ATP8A2: variants seen among roughly 807,000 people sequenced by gnomAD.
ATP8A2 encodes ATPase phospholipid transporting 8A2, also known as phospholipid-transporting ATPase IB.
A neutral mutation model predicts 165.6 loss-of-function variants in ATP8A2; 100 were observed. The ratio of observed to expected loss-of-function variants is 0.60; its 90% CI spans 0.51 to 0.71. The LOEUF (loss-of-function observed/expected upper bound fraction) is 0.71. ATP8A2 is among the 30% of genes least tolerant of loss of function. The probability of loss-of-function intolerance (pLI) is 0.00; values close to 1 mark genes in which losing one functional copy is unlikely to be tolerated. For missense variants in ATP8A2, 1,227 were observed against 1,479.5 expected (o/e 0.83, Z 2.80); for synonymous variants, 543 against 548.8 (o/e 0.99, Z 0.15).
intron 30 of ATP8A2, among the ~76,000 whole-genome samples, chr13:25,840,908 A>T (rs1951735602): frequency 1.3e-5 from 2 of 152,234 alleles, no homozygotes. Context: ...GTCTGCAAAT[A>T]GCATGAACTA....
intron 35 of ATP8A2, among the ~76,000 whole-genome samples, chr13:25,983,059 A>T (rs1324093627): frequency 1.3e-5 from 2 of 152,062 alleles, no homozygotes; most frequent in African/African-American, 4.8e-5. Flanking sequence ...TTTAGGTTTT[A>T]TGTTTTCTGA....
Position 25,602,623 on chromosome 13 carries a change from T to C in ATP8A2, c.2211+12924T>C, listed in dbSNP as rs527605251. 3.8e-4 allele frequency among the ~76,000 whole-genome samples: 58 copies of C among 152,228 alleles called. 1 individual carries two copies. Among genetic ancestry groups the C allele is most frequent in the Admixed American group, 2.0e-3 (30 of 15,294 alleles). On this transcript the variant is annotated intron_variant, in intron 24 of 36. Transcript: ENST00000381655. ...GCAAAGGCCGATGCTCCCCACTGCA[T>C]TTGAGCAGTGTGTGGCTGGAGGGGA...
At chr13:25,975,847 A>G (rs1956023898) in intron 35 of ATP8A2, among the ~76,000 whole-genome samples, 1 of 152,178 alleles carries the variant, frequency 6.6e-6, no homozygotes, top group South Asian at 2.1e-4. Context: ...TCTGTGATAC[A>G]CAGCATGCTT....
chr13:25,731,174 A>G (rs999773657), intron 25 of ATP8A2, among the ~76,000 whole-genome samples: 2 of 118,386 alleles, frequency 1.7e-5, no homozygotes, highest in Non-Finnish European at 3.6e-5. Flanking sequence ...AGAAGGAAGG[A>G]AAGAAAGAAA....
At chr13:25,786,069 AATGCAATTCGTCATTTTT>A (rs1390530315) in intron 27 of ATP8A2, among the ~76,000 whole-genome samples, 2 of 152,160 alleles carry the variant, frequency 1.3e-5, no homozygotes, top group African/African-American at 4.8e-5. Context: ...TATTTATGAG[AATGCAATTCGTCATTTTT>A]TTTCTTGGAC....
At chr13:25,391,558 A>G (rs1239687546) in intron 1 of ATP8A2, among the ~76,000 whole-genome samples, 3 of 152,246 alleles carry the variant, frequency 2.0e-5, no homozygotes, top group Non-Finnish European at 2.9e-5. Flanking sequence ...GTAACTGTAT[A>G]CTGCTTTACA....
chr13:25,456,995 C>T (rs937555729), intron 1 of ATP8A2, among the ~76,000 whole-genome samples: 2 of 152,124 alleles, frequency 1.3e-5, no homozygotes, highest in Non-Finnish European at 2.9e-5. Context: ...GAAAACAATC[C>T]CCCAAAAACT....
intron 33 of ATP8A2, among the ~76,000 whole-genome samples, chr13:25,892,738 G>A (rs896199833): frequency 3.3e-5 from 5 of 151,664 alleles, no homozygotes; most frequent in Admixed American, 2.0e-4. Flanking sequence ...ATTTGATGAC[G>A]TCTGTGACTG....
At chr13:25,853,868 G>T (rs1952081083) in intron 30 of ATP8A2, among the ~76,000 whole-genome samples, 1 of 152,182 alleles carries the variant, frequency 6.6e-6, no homozygotes, top group African/African-American at 2.4e-5. Context: ...ACAGGCCTTA[G>T]CCTTTTAGAG....
At chr13:25,834,794 C>T (rs1177717810) in intron 28 of ATP8A2, among the ~76,000 whole-genome samples, 2 of 152,298 alleles carry the variant, frequency 1.3e-5, no homozygotes, top group Non-Finnish European at 1.5e-5. Flanking sequence ...TTCACCTCAG[C>T]TTCCCAAGTA....
rs80073941 is a variant in ATP8A2 at position 25,636,506 on chromosome 13, C to T, written c.2211+46807C>T. 0.017 allele frequency among the ~76,000 whole-genome samples: 2,608 copies of T among 152,138 alleles called. 195 individuals are homozygous for T. In the East Asian group the frequency reaches 0.24, roughly 14 times the overall value. On this transcript the variant is annotated intron_variant, in intron 24 of 36. Transcript: ENST00000381655. ...TTTAGGAATTGCTGTCTTTAATCTG[C>T]CCTATGTTCTTAGTATTCCCGGAAA...
chr13:25,881,301 T>C (rs973815244), intron 33 of ATP8A2, among the ~76,000 whole-genome samples: 27 of 152,216 alleles, frequency 1.8e-4, no homozygotes, highest in Non-Finnish European at 3.2e-4. Context: ...ACTCTGACTT[T>C]GGCATAACAT....
At chr13:25,667,652 T>C (rs58822110) in intron 24 of ATP8A2, among the ~76,000 whole-genome samples, 18,998 of 147,256 alleles carry the variant, frequency 0.13, 1,351 homozygotes, top group Admixed American at 0.2. Context: ...TTTTTTTTTT[T>C]ATAAATTACC....
intron 24 of ATP8A2, among the ~76,000 whole-genome samples, chr13:25,663,974 C>T (rs560460977): frequency 2.0e-5 from 3 of 151,958 alleles, no homozygotes; most frequent in South Asian, 2.1e-4. Context: ...TTTGGGAGGC[C>T]GAGGTGGGTG....
At position 25,948,332 on chromosome 13, in the gene ATP8A2, C is replaced by A. The variant is rs1232105977; in HGVS notation, c.3184-13243C>A. Among the ~76,000 whole-genome samples the A allele has an allele frequency of 2.0e-5, 3 of 152,140 alleles. No individual in the cohort carries two copies. In the East Asian group the frequency reaches 5.8e-4, roughly 29 times the overall value. ...GGTTATAATCGATAGTGTAAAAAAT[C>A]ATTAGTTATAGGTAACATGTATGGC... On this transcript the variant is annotated intron_variant, in intron 33 of 36. Transcript: ENST00000381655.
chr13:25,999,930 T>G (rs1379110013), intron 35 of ATP8A2, among the ~76,000 whole-genome samples: 1 of 152,240 alleles, frequency 6.6e-6, no homozygotes, highest in Non-Finnish European at 1.5e-5. Flanking sequence ...GTTTTTGTTT[T>G]ATTCTTGTGA....
chr13:25,444,166 T>A (rs1440995406), intron 1 of ATP8A2, among the ~76,000 whole-genome samples: 1 of 152,228 alleles, frequency 6.6e-6, no homozygotes, highest in East Asian at 1.9e-4. Flanking sequence ...CCTTTGAATG[T>A]CATATAAATG....
At chr13:25,460,058 G>A (rs907989615) in intron 1 of ATP8A2, among the ~76,000 whole-genome samples, 3 of 152,110 alleles carry the variant, frequency 2.0e-5, no homozygotes, top group Admixed American at 6.5e-5. Flanking sequence ...AAAATTAGCC[G>A]GGCATGATGG....
At chr13:25,814,379 G>A (rs1156228837) in intron 27 of ATP8A2, among the ~76,000 whole-genome samples, 1 of 151,952 alleles carries the variant, frequency 6.6e-6, no homozygotes, top group Non-Finnish European at 1.5e-5. Flanking sequence ...GCAAAAACAG[G>A]AAAACCTATT....
Sources: gnomAD v4.1 joint callset for allele counts (sites outside exome capture counted in the v4.1 genomes callset) on GRCh38, gnomAD v4.1.1 for gene constraint, MANE v1.5 for transcripts, NCBI Gene and HGNC (gene_info 2026-07-23, HGNC 2026-07-21) for gene names.